The following SLC7A6OS variants were observed in gnomAD, a reference collection of about 807,000 sequenced individuals.
SLC7A6OS encodes the protein probable RNA polymerase II nuclear localization protein SLC7A6OS.
Under a neutral mutation model 34.3 loss-of-function variants are expected in SLC7A6OS, and 22 were observed. The ratio of observed to expected loss-of-function variants is 0.64; its 90% CI spans 0.46 to 0.92. SLC7A6OS has a LOEUF of 0.92. Among genes scored for constraint, SLC7A6OS ranks in the 40% least tolerant of loss-of-function variants. SLC7A6OS has a pLI of 0.00. For missense variants in SLC7A6OS, 434 were observed against 407.7 expected, an observed-to-expected ratio of 1.06 and a Z score of -0.56; for synonymous variants, 199 against 165.0, an observed-to-expected ratio of 1.21 and a Z score of -1.58.
intron 2 of SLC7A6OS, among the ~76,000 whole-genome samples, chr16:68,306,657 A>T (rs542514271): frequency 1.4e-4 from 21 of 152,134 alleles, no homozygotes; most frequent in African/African-American, 2.7e-4. Flanking sequence ...GAAGAAAAAT[A>T]ATTATTATTA....
intron 2 of SLC7A6OS, 103 bp downstream of exon 2, chr16:68,310,231 TG>T: frequency 7.8e-7 from 1 of 1,275,654 alleles, no homozygotes. Context: ...TCACGCCGGA[TG>T]GATCATCCAT....
intron 2 of SLC7A6OS, among the ~76,000 whole-genome samples, chr16:68,308,457 G>A (rs926168457): frequency 4.0e-5 from 6 of 151,388 alleles, no homozygotes; most frequent in African/African-American, 4.8e-5. Flanking sequence ...GCGAAACCCC[G>A]TCTCTACTAA....
chr16:68,300,722 CAG>C lies in SLC7A6OS; in HGVS notation c.*551_*552del. 1 of 985,502 alleles carries C rather than the reference CAG, an allele frequency of 1.0e-6. No homozygotes were observed. The highest frequency in any genetic ancestry group is 1.2e-6 in the Non-Finnish European group (1 of 829,968). The allele number at this position is 985,502 out of a possible 1,614,324, so 61.0% of individuals were successfully genotyped here. On this transcript the variant is annotated 3_prime_UTR_variant, in exon 5 of 5. Transcript: ENST00000263997. ...CAGTCAGTAATTTCACAACCGTTAT[CAG>C]AGTTTGGAAGCAGAAATAGCTGTTA...
rs543446269 is a variant in SLC7A6OS, at chr16:68,310,538, G to C, written c.268C>G (p.Leu90Val). Residue 90 changes from leucine to valine, a missense_variant, in exon 2 of 5, where the codon CTC (leucine) becomes GTC (valine). Coordinates refer to ENST00000263997, the MANE Select transcript of SLC7A6OS (RefSeq NM_032178.3). ...CGGACCTCCCGAGCCGAGGCGCGGA[G>C]ATTACGGCGGACACGCTGCTGGCTG... ...RDSQQRVRRN[L>V]RASAREVRQE... 6.3e-7 allele frequency: 1 copy of C among 1,581,738 alleles called. No homozygotes were observed. Among genetic ancestry groups the C allele is most frequent in the African/African-American group, 1.3e-5 (1 of 74,232 alleles).
At chr16:68,310,302 A>G in intron 2 of SLC7A6OS, 33 bp downstream of exon 2, 1 of 1,545,228 alleles carries the variant, frequency 6.5e-7, no homozygotes, top group Non-Finnish European at 8.8e-7. Flanking sequence ...CCATCCTGAG[A>G]AGCCCAGCGA....
At chr16:68,308,987 G>C (rs1234718298) in intron 2 of SLC7A6OS, among the ~76,000 whole-genome samples, 2 of 151,402 alleles carry the variant, frequency 1.3e-5, no homozygotes, top group African/African-American at 4.9e-5. Flanking sequence ...GGGAGTTGGA[G>C]GTTGCAGTGA....
At chr16:68,309,958 T>TTC (rs2043417185) in intron 2 of SLC7A6OS, among the ~76,000 whole-genome samples, 1 of 152,164 alleles carries the variant, frequency 6.6e-6, no homozygotes, top group Admixed American at 6.5e-5. Context: ...TACCCTGCCA[T>TTC]TCACCTTCTG....
intron 2 of SLC7A6OS, among the ~76,000 whole-genome samples, chr16:68,307,646 C>A (rs1381508641): frequency 6.6e-6 from 1 of 152,182 alleles, no homozygotes; most frequent in Non-Finnish European, 1.5e-5. Flanking sequence ...AAAAGGCTTG[C>A]ATCAATTTTA....
At chr16:68,301,622 T>C in intron 4 of SLC7A6OS, 1 of 389,002 alleles carries the variant, frequency 2.6e-6, no homozygotes, top group Non-Finnish European at 4.6e-6. Context: ...ATTTTGTCAC[T>C]TCTCCCCTCC....
Position 68,301,377 on chromosome 16 carries a change from C to T in SLC7A6OS, c.828G>A (p.Glu276=), listed in dbSNP as rs1372344314. Residue 276 remains glutamate (E), a synonymous_variant, in exon 5 of 5, where the codon GAG becomes GAA. Coordinates refer to ENST00000263997, the MANE Select transcript of SLC7A6OS (RefSeq NM_032178.3). ...GCTGTCTGCTGCTGCCTCTTTCCTCCTCACTCAGGCTGTTGTAGTCAGCAG... is the reference window on the plus strand; with the variant it reads ...GCTGTCTGCTGCTGCCTCTTTCCTCTTCACTCAGGCTGTTGTAGTCAGCAG... ...RGSADYNSLS[E]EERGSSRQRM... 1 of 1,614,138 alleles carries T rather than the reference C, an allele frequency of 6.2e-7. No individual in the cohort carries two copies. Among genetic ancestry groups the T allele is most frequent in the Non-Finnish European group, 8.5e-7 (1 of 1,180,000 alleles).
chr16:68,301,271 AC>A lies in SLC7A6OS; in HGVS notation c.*3del. On this transcript the variant is annotated 3_prime_UTR_variant, in exon 5 of 5. Coordinates refer to ENST00000263997, the MANE Select transcript of SLC7A6OS (RefSeq NM_032178.3). ...GGCAGAACCTCATGGACATCACAAG[AC>A]CATCAGTCTGAATCCAGGTCGTGGG... 1 of 1,613,896 alleles carries A rather than the reference AC, an allele frequency of 6.2e-7. No homozygotes were observed. Among genetic ancestry groups the A allele is most frequent in the Non-Finnish European group, 8.5e-7 (1 of 1,179,838 alleles).
chr16:68,305,957 C>T (rs918678006), intron 2 of SLC7A6OS, among the ~76,000 whole-genome samples: 3 of 152,056 alleles, frequency 2.0e-5, no homozygotes, highest in African/African-American at 7.2e-5. Flanking sequence ...ACTTGAGAGG[C>T]TGAGGCAGGA....
rs748763387 is a variant in SLC7A6OS at position 68,310,909 on chromosome 16, G to T, written c.18C>A (p.Thr6=). 20 of 1,588,756 alleles carry T rather than the reference G, an allele frequency of 1.3e-5. No individual in the cohort carries two copies. The African/African-American group carries it at 2.2e-4, about 17-fold the overall frequency. The change falls in exon 1 of 5, where the codon ACC becomes ACA. Residue 6 remains threonine, a synonymous_variant. Coordinates refer to ENST00000263997, the MANE Select transcript of SLC7A6OS (RefSeq NM_032178.3). ...GCTTCCGCTTCACCCGGAGTACAGC[G>T]GTCCTGGCGGCCTCCATAGTGGCTG... MEAAR[T]AVLRVKRKRS...
rs1273259256 is a variant in SLC7A6OS at position 68,301,172 on chromosome 16, CAT to C, written c.*101_*102del. 8 of 1,494,390 alleles carry C rather than the reference CAT, an allele frequency of 5.4e-6. No individual in the cohort carries two copies. Among genetic ancestry groups the C allele is most frequent in the East Asian group, 2.4e-5 (1 of 41,854 alleles). The allele number at this position is 1,494,390 out of a possible 1,614,324, so 92.6% of individuals were successfully genotyped here. A position where few individuals can be genotyped will look rare whatever the true frequency, so the allele number is the denominator to read the frequency against. ...TATGCTTGATATGCTTTTCCTTCCA[CAT>C]GTTAAGCTAGGAAACCTAACAGGAT... On this transcript the variant is annotated 3_prime_UTR_variant, in exon 5 of 5. Coordinates refer to ENST00000263997, the MANE Select transcript of SLC7A6OS (RefSeq NM_032178.3).
Position 68,301,285 on chromosome 16 carries a change from T to A in SLC7A6OS, c.920A>T (p.Asp307Val). The change falls in exon 5 of 5, where the codon GAT (aspartate) becomes GTT (valine). Residue 307 changes from aspartate to valine, a missense_variant. Asp to Val is a radical substitution (Grantham distance 152). Transcript: ENST00000263997. ...GACATCACAAGACCATCAGTCTGAATCCAGGTCGTGGGGGCTGTCATAGCC... is the reference window on the plus strand; with the variant it reads ...GACATCACAAGACCATCAGTCTGAAACCAGGTCGTGGGGGCTGTCATAGCC... Reference protein sequence around the residue: ...EFGYDSPHDLDSD With the variant: ...EFGYDSPHDLVSD The A allele has an allele frequency of 6.2e-7, 1 of 1,614,092 alleles. No homozygotes were observed. Among genetic ancestry groups the A allele is most frequent in the Non-Finnish European group, 8.5e-7 (1 of 1,179,954 alleles).
Position 68,310,400 on chromosome 16 carries a change from A to G in SLC7A6OS, c.406T>C (p.Phe136Leu). Residue 136 changes from phenylalanine (F) to leucine (L), a missense_variant, in exon 2 of 5, where the codon TTT (phenylalanine) becomes CTT (leucine). Coordinates refer to ENST00000263997, the MANE Select transcript of SLC7A6OS (RefSeq NM_032178.3). ...TCGTGGACAAGGTCTAACAACTGAA[A>G]GCCCGAGTTCCCGGCGGCTTCTGGG... ...GNPEAAGNSGFQLLDLVHEEG... is the reference protein window; with the variant it reads ...GNPEAAGNSGLQLLDLVHEEG... 1 of 1,612,292 alleles carries G rather than the reference A, an allele frequency of 6.2e-7. No individual in the cohort carries two copies. The highest frequency in any genetic ancestry group is 1.1e-5 in the South Asian group (1 of 90,814).
At chr16:68,303,055 G>C (rs1392730616) in intron 3 of SLC7A6OS, among the ~76,000 whole-genome samples, 2 of 151,942 alleles carry the variant, frequency 1.3e-5, no homozygotes, top group African/African-American at 4.8e-5. Context: ...CTTGAGGTCA[G>C]AAGTTTGAGA....
At chr16:68,301,545 A>C in intron 4 of SLC7A6OS, 140 bp from the exon 5 acceptor site, 1 of 642,548 alleles carries the variant, frequency 1.6e-6, no homozygotes. Context: ...AAGAATATAG[A>C]ATTCTTTTTT....
intron 1 of SLC7A6OS, 25 bp from the exon 2 acceptor site, chr16:68,310,638 C>T (rs754855553): frequency 2.5e-6 from 4 of 1,583,894 alleles, no homozygotes; most frequent in Non-Finnish European, 3.4e-6. Context: ...GGGACGGAGG[C>T]CAGCGTAAGC....
Sources: gnomAD v4.1 joint callset for allele counts (sites outside exome capture counted in the v4.1 genomes callset) on GRCh38, gnomAD v4.1.1 for gene constraint, MANE v1.5 for transcripts, NCBI Gene and HGNC (gene_info 2026-07-23, HGNC 2026-07-21) for gene names.